AIG1: variants seen among roughly 807,000 people sequenced by gnomAD.
The protein encoded by AIG1 is androgen induced 1.
A neutral mutation model predicts 31.4 loss-of-function variants in AIG1; 23 were observed. That is an observed-to-expected ratio of 0.73 (90% CI 0.53 to 1.04). The LOEUF is 1.04. Among genes scored for constraint, AIG1 ranks in the 50% least tolerant of loss-of-function variants. The pLI is 0.00. For synonymous variants in AIG1, 100 were observed against 110.5 expected (o/e 0.90, Z 0.60); for missense variants, 274 against 295.0 (o/e 0.93, Z 0.52).
chr6:143,129,192 G>A (rs1308478598), intron 1 of AIG1, among the ~76,000 whole-genome samples: 2 of 152,136 alleles, frequency 1.3e-5, no homozygotes, highest in African/African-American at 4.8e-5. Flanking sequence ...TTGGGAGGCC[G>A]AGGCAGGCGA....
chr6:143,110,818 C>T (rs1366022096), intron 1 of AIG1, among the ~76,000 whole-genome samples: 1 of 152,152 alleles, frequency 6.6e-6, no homozygotes, highest in Non-Finnish European at 1.5e-5. Context: ...GAGAAGCAGA[C>T]TTAATGCATT....
chr6:143,197,436 C>A (rs1790337842), intron 3 of AIG1, among the ~76,000 whole-genome samples: 1 of 152,092 alleles, frequency 6.6e-6, no homozygotes, highest in Non-Finnish European at 1.5e-5. Context: ...TGTATTCTCC[C>A]ACTACTCAAG....
At position 143,288,305 on chromosome 6, in the gene AIG1, GC is replaced by G. The variant is rs60595423; in HGVS notation, c.515+4084del. On this transcript the variant is annotated intron_variant, in intron 4 of 5. Transcript: ENST00000357847. The surrounding 1 kb of genome is among the most constrained non-coding windows in gnomAD (Gnocchi z 4.4). Reference sequence around the variant, plus strand: ...CTCTCTCCTAAGGAGTCTTCTTCCAGCCCCTGGCTATTCTCCCTCCTTCAGG... The same window carrying G: ...CTCTCTCCTAAGGAGTCTTCTTCCAGCCCTGGCTATTCTCCCTCCTTCAGG... Among the ~76,000 whole-genome samples, 45,774 of 151,998 alleles carry G rather than the reference GC, an allele frequency of 0.3. 8,112 individuals are homozygous for G. Among genetic ancestry groups the G allele is most frequent in the East Asian group, 0.74 (3,827 of 5,168 alleles).
chr6:143,199,289 A>G lies in AIG1; in HGVS notation c.399+34106A>G, dbSNP rs191435883. On this transcript the variant is annotated intron_variant, in intron 3 of 5. Coordinates refer to ENST00000357847, the MANE Select transcript of AIG1 (RefSeq NM_016108.4). ...ATTACAAAGCAAAACCTCATCTGGT[A>G]GAGACATTTACTAAGATATACATAA... is the stretch of plus-strand genomic sequence containing the variant. Among the ~76,000 whole-genome samples, 4 of 152,298 alleles carry G rather than the reference A, an allele frequency of 2.6e-5. No individual in the cohort carries two copies. In the East Asian group the frequency reaches 5.8e-4, roughly 22 times the overall value.
chr6:143,250,392 A>G (rs1188243260), intron 3 of AIG1, among the ~76,000 whole-genome samples: 1 of 152,244 alleles, frequency 6.6e-6, no homozygotes, highest in Non-Finnish European at 1.5e-5. Flanking sequence ...AAGATTTCCT[A>G]TGAGTAGTTT....
At chr6:143,071,656 C>CGTGGTG (rs925359508) in intron 1 of AIG1, among the ~76,000 whole-genome samples, 26 of 151,690 alleles carry the variant, frequency 1.7e-4, no homozygotes, top group South Asian at 4.2e-4. Flanking sequence ...GATATCTCAT[C>CGTGGTG]GTGGTGGTGG....
intron 3 of AIG1, among the ~76,000 whole-genome samples, chr6:143,229,385 T>C (rs1425277089): frequency 6.6e-6 from 1 of 152,230 alleles, no homozygotes; most frequent in Non-Finnish European, 1.5e-5. Flanking sequence ...AGCAAAGCAT[T>C]CCTACAACCT....
intron 3 of AIG1, among the ~76,000 whole-genome samples, chr6:143,208,205 T>G (rs1280358543): frequency 2.0e-5 from 3 of 152,206 alleles, no homozygotes; most frequent in African/African-American, 4.8e-5. Context: ...GCCCATGTCC[T>G]ATTGCACGGG....
chr6:143,245,248 G>T (rs573152182), intron 3 of AIG1, among the ~76,000 whole-genome samples: 1 of 152,136 alleles, frequency 6.6e-6, no homozygotes, highest in Admixed American at 6.5e-5. Flanking sequence ...ACCATTCAAG[G>T]TAGATGGAAG....
intron 3 of AIG1, among the ~76,000 whole-genome samples, chr6:143,226,637 T>G (rs1270299986): frequency 6.6e-6 from 1 of 152,202 alleles, no homozygotes; most frequent in Non-Finnish European, 1.5e-5. Context: ...TTTACCAGAC[T>G]TTCATCTCAG....
chr6:143,217,070 T>G (rs1453460097), intron 3 of AIG1, among the ~76,000 whole-genome samples: 2 of 152,174 alleles, frequency 1.3e-5, no homozygotes, highest in East Asian at 3.8e-4. Flanking sequence ...ATTGAGAAGT[T>G]TTTATACTTT....
chr6:143,223,791 C>A (rs1055905785), intron 3 of AIG1, among the ~76,000 whole-genome samples: 6 of 152,078 alleles, frequency 3.9e-5, no homozygotes, highest in African/African-American at 1.2e-4. Context: ...ATGTTCTGTT[C>A]TATCAATGAG....
chr6:143,146,105 C>T (rs751033034), intron 2 of AIG1, among the ~76,000 whole-genome samples: 5 of 152,156 alleles, frequency 3.3e-5, no homozygotes, highest in South Asian at 4.1e-4. Context: ...ATTCAGACAA[C>T]GGGTTCAATA....
Position 143,279,164 on chromosome 6 carries a change from A to G in AIG1, c.400-4946A>G, listed in dbSNP as rs531481361. 2.0e-5 allele frequency among the ~76,000 whole-genome samples: 3 copies of G among 152,288 alleles called. No homozygotes were observed. The South Asian group carries it at 6.2e-4, about 32-fold the overall frequency. ...GATGAATATAATCTTCAACTCTGAA[A>G]GTTCATTTTTTTCTTCTGATTCTAA... On this transcript the variant is annotated intron_variant, in intron 3 of 5. Coordinates refer to ENST00000357847, the MANE Select transcript of AIG1 (RefSeq NM_016108.4). This position sits in a 1 kb window ranked among gnomAD's most constrained non-coding sequence, Gnocchi z 5.4.
chr6:143,339,825 A>T lies in AIG1; in HGVS notation c.*149A>T. On this transcript the variant is annotated 3_prime_UTR_variant, in exon 6 of 6. Transcript: ENST00000357847. ...ATGAGGACACCTTTTATATATAAAT[A>T]TGTATAAACATAGAATACAGTTGTT... 1.6e-6 allele frequency: 1 copy of T among 607,072 alleles called. No homozygotes were observed. The highest frequency in any genetic ancestry group is 2.7e-6 in the Non-Finnish European group (1 of 364,368). The allele number at this position is 607,072 out of a possible 1,614,324, so 37.6% of individuals were successfully genotyped here.
At chr6:143,150,910 A>G (rs1456795051) in intron 2 of AIG1, among the ~76,000 whole-genome samples, 1 of 152,176 alleles carries the variant, frequency 6.6e-6, no homozygotes, top group Non-Finnish European at 1.5e-5. Context: ...GTGTTTTTCA[A>G]CAACAAAAAT....
chr6:143,309,709 A>C lies in AIG1; in HGVS notation c.516-23573A>C, dbSNP rs144129386. Among the ~76,000 whole-genome samples, 1,177 of 152,176 alleles carry C rather than the reference A, an allele frequency of 7.7e-3. 37 individuals are homozygous for C. The highest frequency in any genetic ancestry group is 0.048 in the Admixed American group (727 of 15,290). ...CCAATTAAAAGACAAAGATTATTACATTAGATAAAATAACAAGACTAAAAT... is the reference window on the plus strand; with the variant it reads ...CCAATTAAAAGACAAAGATTATTACCTTAGATAAAATAACAAGACTAAAAT... On this transcript the variant is annotated intron_variant, in intron 4 of 5. Transcript: ENST00000357847.
intron 3 of AIG1, among the ~76,000 whole-genome samples, chr6:143,213,332 C>T (rs995296973): frequency 6.6e-6 from 1 of 151,750 alleles, no homozygotes; most frequent in Non-Finnish European, 1.5e-5. Context: ...AGGATCTTAC[C>T]ATCGTTGAAG....
chr6:143,295,930 A>G (rs1293140932), intron 4 of AIG1, among the ~76,000 whole-genome samples: 1 of 152,210 alleles, frequency 6.6e-6, no homozygotes, highest in East Asian at 1.9e-4. Context: ...TAATCCAAGC[A>G]CATTTTCTTT....
Sources: allele counts gnomAD v4.1 joint callset (sites outside exome capture counted in the v4.1 genomes callset), GRCh38; gene constraint gnomAD v4.1.1; non-coding constraint Gnocchi (gnomAD v3.1); transcripts MANE v1.5; gene names NCBI Gene and HGNC (gene_info 2026-07-23, HGNC 2026-07-21).